MYO16: variants seen among roughly 807,000 people sequenced by gnomAD.
MYO16 encodes myosin XVI.
Under a neutral mutation model 205.3 loss-of-function variants are expected in MYO16, and 94 were observed. The ratio of observed to expected loss-of-function variants is 0.46; its 90% CI spans 0.39 to 0.54. The LOEUF (loss-of-function observed/expected upper bound fraction) is 0.54, where lower values mean the gene tolerates loss of function less well. MYO16 is among the 20% of genes least tolerant of loss of function. The pLI is 0.00. For synonymous variants in MYO16, 988 were observed against 954.0 expected (o/e 1.04, Z -0.66); for missense variants, 2,315 against 2,387.5 (o/e 0.97, Z 0.63).
chr13:108,640,159 A>G (rs922281480), intron 1 of MYO16, among the ~76,000 whole-genome samples: 8 of 152,210 alleles, frequency 5.3e-5, no homozygotes, highest in Non-Finnish European at 1.2e-4. Flanking sequence ...CAGGTCAGAA[A>G]TTTTAGAAGG....
At chr13:108,832,876 G>A (rs1430266706) in intron 9 of MYO16, among the ~76,000 whole-genome samples, 1 of 151,990 alleles carries the variant, frequency 6.6e-6, no homozygotes, top group East Asian at 1.9e-4. Context: ...TACAGAATGT[G>A]TTTACAAAAT....
intron 4 of MYO16, among the ~76,000 whole-genome samples, chr13:108,746,778 G>A (rs1464647474): frequency 6.6e-6 from 1 of 152,062 alleles, no homozygotes; most frequent in African/African-American, 2.4e-5. Flanking sequence ...ACAGATCCGA[G>A]ATGCTCAGAG....
chr13:108,629,465 T>A (rs1879873852), upstream of MYO16: 1 of 183,398 alleles, frequency 5.5e-6, no homozygotes, highest in Non-Finnish European at 1.1e-5. Flanking sequence ...TGAAAAGCCA[T>A]TAACAGGCAG....
chr13:109,162,764 G>A lies in MYO16; in HGVS notation c.5165-2137G>A, dbSNP rs55864736. ...ATTAAAGAGTGCAAAAATAAAATAG[G>A]TGAAAGCAACATAAAAGCAGGTGAG... On this transcript the variant is annotated intron_variant, in intron 32 of 34. Coordinates refer to ENST00000457511, the MANE Select transcript of MYO16 (RefSeq NM_001198950.3). This position sits in a 1 kb window ranked among gnomAD's most constrained non-coding sequence, Gnocchi z 4.6. Among the ~76,000 whole-genome samples the A allele has an allele frequency of 0.24, 36,724 of 151,902 alleles. 4,963 individuals are homozygous for A. Among genetic ancestry groups the A allele is most frequent in the South Asian group, 0.34 (1,630 of 4,810 alleles).
At chr13:108,682,392 G>A (rs1054789644) in intron 2 of MYO16, among the ~76,000 whole-genome samples, 5 of 151,454 alleles carry the variant, frequency 3.3e-5, no homozygotes, top group Non-Finnish European at 7.4e-5. Flanking sequence ...TTTTACTGAC[G>A]TTACTTCAAT....
At chr13:108,905,731 G>T (rs1880939143) in intron 15 of MYO16, among the ~76,000 whole-genome samples, 1 of 151,354 alleles carries the variant, frequency 6.6e-6, no homozygotes, top group Admixed American at 6.6e-5. Flanking sequence ...TTCTTTTGAT[G>T]ATATTGTTTC....
In MYO16 at chr13:108,712,689, C is replaced by A. The variant is rs149386435; in HGVS notation, c.321C>A (p.Asp107Glu). 6.2e-7 allele frequency: 1 copy of A among 1,614,012 alleles called. No individual in the cohort carries two copies. The highest frequency in any genetic ancestry group is 1.1e-5 in the South Asian group (1 of 91,078). The change falls in exon 3 of 35, where the codon GAC becomes GAA. Residue 107 changes from aspartate (D) to glutamate (E), a missense_variant. Physicochemically the swap from Asp to Glu is conservative, Grantham distance 45. Around this residue, in one of 3 missense-constraint regions of MYO16, gnomAD observed 1,213 missense variants for 1,274.4 expected, o/e 0.95. Coordinates refer to ENST00000457511, the MANE Select transcript of MYO16 (RefSeq NM_001198950.3). ...EVLRLLKEGA[D>E]PHTLVSSGGS... ...TTCGGCTCCTGAAGGAGGGGGCAGA[C>A]CCCCACACCCTCGTCTCCTCGGGAG...
intron 9 of MYO16, among the ~76,000 whole-genome samples, chr13:108,832,164 A>G (rs1876657356): frequency 2.4e-5 from 1 of 41,378 alleles, no homozygotes; most frequent in South Asian, 6.4e-4. Flanking sequence ...TTTTTTTGAG[A>G]CAGAGTCTCG....
At chr13:109,080,635 A>G (rs1455711559) in intron 27 of MYO16, among the ~76,000 whole-genome samples, 1 of 152,136 alleles carries the variant, frequency 6.6e-6, no homozygotes, top group Non-Finnish European at 1.5e-5. Context: ...TTTGTCCACA[A>G]TAGAATGTAG....
chr13:108,657,777 C>T (rs556197129), intron 1 of MYO16, among the ~76,000 whole-genome samples: 1 of 152,170 alleles, frequency 6.6e-6, no homozygotes, highest in African/African-American at 2.4e-5. Flanking sequence ...ACAATAATAA[C>T]TGACTTTTTT....
intron 4 of MYO16, among the ~76,000 whole-genome samples, chr13:108,732,776 C>T (rs1218514308): frequency 3.3e-5 from 5 of 152,158 alleles, no homozygotes; most frequent in Admixed American, 3.3e-4. Flanking sequence ...GAACAGGGAA[C>T]ATTTAGGTAT....
intron 34 of MYO16, among the ~76,000 whole-genome samples, chr13:109,194,076 C>T (rs9301356): frequency 0.25 from 38,093 of 151,826 alleles, 7,208 homozygotes; most frequent in African/African-American, 0.53. Context: ...TATCCTGCCT[C>T]GTGAAATTTT....
At chr13:108,727,025 G>T (rs1299448878) in intron 3 of MYO16, among the ~76,000 whole-genome samples, 3 of 150,638 alleles carry the variant, frequency 2.0e-5, no homozygotes, top group African/African-American at 7.3e-5. Flanking sequence ...CCATTAAATA[G>T]TTACACTTTA....
intron 15 of MYO16, among the ~76,000 whole-genome samples, chr13:108,903,001 G>T (rs1880781705): frequency 6.6e-6 from 1 of 152,198 alleles, no homozygotes; most frequent in African/African-American, 2.4e-5. Context: ...TCACCCCTTT[G>T]TTCAGTGTAT....
upstream of MYO16, among the ~76,000 whole-genome samples, chr13:108,593,544 A>G (rs1367989644): frequency 6.6e-6 from 1 of 152,162 alleles, no homozygotes; most frequent in East Asian, 1.9e-4. Context: ...TTTCCTGTGA[A>G]TTTTGAAAGT....
At chr13:108,578,336 G>A in the MYO16 span, among the ~76,000 whole-genome samples, 1 of 152,126 alleles carries the variant, frequency 6.6e-6, no homozygotes, top group African/African-American at 2.4e-5. Context: ...AATGAGAAAC[G>A]TGTTTATATA....
chr13:109,191,263 A>G (rs1879903115), intron 34 of MYO16, among the ~76,000 whole-genome samples: 1 of 152,118 alleles, frequency 6.6e-6, no homozygotes, highest in South Asian at 2.1e-4. Flanking sequence ...TCATTGATCA[A>G]AAGATGTTTA....
At chr13:109,149,427 A>G (rs1421058139) in intron 32 of MYO16, among the ~76,000 whole-genome samples, 1 of 152,146 alleles carries the variant, frequency 6.6e-6, no homozygotes, top group Non-Finnish European at 1.5e-5. Context: ...GGATTAAGTG[A>G]TTTTCCCATA....
intron 4 of MYO16, among the ~76,000 whole-genome samples, chr13:108,748,153 AAT>A (rs1881678412): frequency 6.6e-6 from 1 of 152,112 alleles, no homozygotes; most frequent in Admixed American, 6.5e-5. Context: ...AAACATACAA[AAT>A]ATGTTATCAG....
Sources: allele counts gnomAD v4.1 joint callset (sites outside exome capture counted in the v4.1 genomes callset), GRCh38; gene constraint gnomAD v4.1.1; regional missense constraint gnomAD v4.1.1; non-coding constraint Gnocchi (gnomAD v3.1); transcripts MANE v1.5; gene names NCBI Gene and HGNC (gene_info 2026-07-23, HGNC 2026-07-21).